LINGO2: variants seen among roughly 807,000 people sequenced by gnomAD.
LINGO2 encodes the protein leucine-rich repeat and immunoglobulin-like domain-containing nogo receptor-interacting protein 2.
A neutral mutation model predicts 30.6 loss-of-function variants in LINGO2; 14 were observed. The observed-to-expected ratio is 0.46, with a 90% CI of 0.30 to 0.72. The LOEUF (loss-of-function observed/expected upper bound fraction) is 0.72. Ranked by LOEUF, LINGO2 falls within the 30% of genes least tolerant of loss-of-function variation. The pLI, the probability that LINGO2 is intolerant of heterozygous loss-of-function variation, is 0.07. For missense variants in LINGO2, 729 were observed against 751.7 expected (o/e 0.97, Z 0.35); for synonymous variants, 317 against 288.5 (o/e 1.10, Z -1.00).
the LINGO2 span, among the ~76,000 whole-genome samples, chr9:29,028,796 A>C: frequency 6.6e-6 from 1 of 152,282 alleles, no homozygotes; most frequent in African/African-American, 2.4e-5. Flanking sequence ...ACATGGGCTT[A>C]AGGCAACCCA....
the LINGO2 span, among the ~76,000 whole-genome samples, chr9:28,876,556 T>C: frequency 3.9e-3 from 599 of 152,208 alleles, 2 homozygotes; most frequent in Non-Finnish European, 6.4e-3. Context: ...CAATTTCATC[T>C]ATGTCCCTAC....
the LINGO2 span, among the ~76,000 whole-genome samples, chr9:29,008,999 A>T: frequency 2.8e-4 from 42 of 152,140 alleles, no homozygotes; most frequent in African/African-American, 9.6e-4. Context: ...CATGCTAAAA[A>T]CTCTCAATAA....
intron 5 of LINGO2, among the ~76,000 whole-genome samples, chr9:27,984,134 T>A (rs1480584136): frequency 6.6e-6 from 1 of 151,870 alleles, no homozygotes; most frequent in Admixed American, 6.6e-5. Flanking sequence ...AGATTTGTGG[T>A]CCCTTTCATA....
At chr9:27,954,186 T>C (rs996508636) in intron 5 of LINGO2, among the ~76,000 whole-genome samples, 7 of 152,192 alleles carry the variant, frequency 4.6e-5, no homozygotes, top group Non-Finnish European at 1.0e-4. Flanking sequence ...TGAGTATATA[T>C]CACTTCTATG....
chr9:28,560,079 A>AG (rs1822966238), intron 1 of LINGO2, among the ~76,000 whole-genome samples: 1 of 136,354 alleles, frequency 7.3e-6, no homozygotes, highest in African/African-American at 3.0e-5. Flanking sequence ...TATATTTAGG[A>AG]GGAAAAAAAA....
chr9:28,866,930 T>C, the LINGO2 span, among the ~76,000 whole-genome samples: 3 of 152,194 alleles, frequency 2.0e-5, 1 homozygote, highest in South Asian at 2.1e-4. Flanking sequence ...GTTTATTTTC[T>C]AGATTCATCC....
chr9:27,990,932 A>G (rs1385469723), intron 5 of LINGO2, among the ~76,000 whole-genome samples: 3 of 152,052 alleles, frequency 2.0e-5, no homozygotes, highest in Admixed American at 2.0e-4. Context: ...TCTCCTGAAG[A>G]AACCAGGGAG....
chr9:28,676,554 G>A, the LINGO2 span, among the ~76,000 whole-genome samples: 1 of 152,034 alleles, frequency 6.6e-6, no homozygotes, highest in Non-Finnish European at 1.5e-5. Flanking sequence ...AATAAATCCA[G>A]TAATAAAACA....
intron 1 of LINGO2, among the ~76,000 whole-genome samples, chr9:28,669,429 G>A (rs1350345478): frequency 6.6e-6 from 1 of 151,986 alleles, no homozygotes; most frequent in Non-Finnish European, 1.5e-5. Flanking sequence ...TAACAGTTAT[G>A]AGCTAAACTT....
At chr9:28,089,667 G>T (rs1168558325) in intron 4 of LINGO2, among the ~76,000 whole-genome samples, 5 of 152,064 alleles carry the variant, frequency 3.3e-5, no homozygotes, top group Non-Finnish European at 7.4e-5. Flanking sequence ...AGAGAAGCAA[G>T]AGCAAACACA....
chr9:28,545,887 A>G (rs1223311190), intron 1 of LINGO2, among the ~76,000 whole-genome samples: 1 of 152,128 alleles, frequency 6.6e-6, no homozygotes, highest in Non-Finnish European at 1.5e-5. Context: ...GTGGGTGAGT[A>G]AACTTTTAAA....
At chr9:28,428,731 G>A (rs536671534) in intron 2 of LINGO2, among the ~76,000 whole-genome samples, 1 of 152,138 alleles carries the variant, frequency 6.6e-6, no homozygotes, top group South Asian at 2.1e-4. Context: ...CAGAAGATTT[G>A]GAATCAGACA....
At chr9:28,590,905 A>C (rs137951501) in intron 1 of LINGO2, among the ~76,000 whole-genome samples, 15,597 of 152,130 alleles carry the variant, frequency 0.1, 1,110 homozygotes, top group East Asian at 0.3. Flanking sequence ...CTTGGAACCA[A>C]CCCAAATGTC....
the LINGO2 span, among the ~76,000 whole-genome samples, chr9:29,091,505 C>G: frequency 6.6e-6 from 1 of 151,962 alleles, no homozygotes; most frequent in Non-Finnish European, 1.5e-5. Flanking sequence ...CAGCTCTCAG[C>G]CAGCACCAGT....
intron 1 of LINGO2, among the ~76,000 whole-genome samples, chr9:28,641,701 A>G (rs749959533): frequency 1.3e-5 from 2 of 152,232 alleles, no homozygotes; most frequent in Non-Finnish European, 2.9e-5. Context: ...ACCAAGAGAT[A>G]AAGATGCGGC....
intron 5 of LINGO2, among the ~76,000 whole-genome samples, chr9:27,991,573 A>G (rs752290980): frequency 3.9e-5 from 6 of 152,006 alleles, no homozygotes; most frequent in African/African-American, 1.2e-4. Context: ...GTTGCCCCCA[A>G]AAAGGATATA....
At chr9:28,345,796 C>T (rs1397767058) in intron 3 of LINGO2, among the ~76,000 whole-genome samples, 1 of 152,116 alleles carries the variant, frequency 6.6e-6, no homozygotes, top group African/African-American at 2.4e-5. Context: ...TTCTATGACT[C>T]TTGAGACTGT....
At chr9:28,103,945 G>A (rs1226012251) in intron 4 of LINGO2, among the ~76,000 whole-genome samples, 2 of 152,088 alleles carry the variant, frequency 1.3e-5, no homozygotes, top group Non-Finnish European at 2.9e-5. Context: ...CAATCATTGG[G>A]TAACTTAAAT....
At chr9:28,809,440 G>A in the LINGO2 span, among the ~76,000 whole-genome samples, 1 of 152,100 alleles carries the variant, frequency 6.6e-6, no homozygotes, top group African/African-American at 2.4e-5. Flanking sequence ...CACTGCCTGG[G>A]TGATCTTTTA....
Sources: allele counts gnomAD v4.1 joint callset (sites outside exome capture counted in the v4.1 genomes callset), GRCh38; gene constraint gnomAD v4.1.1; transcripts MANE v1.5; gene names NCBI Gene and HGNC (gene_info 2026-07-23, HGNC 2026-07-21).